ATP1A4: variants seen among roughly 807,000 people sequenced by gnomAD.
The protein encoded by ATP1A4 is ATPase Na+/K+ transporting subunit alpha 4.
Under a neutral mutation model 114.3 loss-of-function variants are expected in ATP1A4, and 90 were observed. That is an observed-to-expected ratio of 0.79 (90% CI 0.66 to 0.94). The LOEUF (loss-of-function observed/expected upper bound fraction) is 0.94, where lower values mean the gene tolerates loss of function less well. ATP1A4 is among the 40% of genes least tolerant of loss of function. The pLI is 0.00. For missense variants in ATP1A4, 1,222 were observed against 1,313.6 expected, an observed-to-expected ratio of 0.93 and a Z score of 1.08; for synonymous variants, 511 against 494.1, an observed-to-expected ratio of 1.03 and a Z score of -0.45.
chr1:160,156,950 A>T (rs1652691596), intron 4 of ATP1A4, among the ~76,000 whole-genome samples: 1 of 152,138 alleles, frequency 6.6e-6, no homozygotes, highest in African/African-American at 2.4e-5. Flanking sequence ...TTATCTCTAC[A>T]AAAAAATTTA....
chr1:160,158,858 A>C, intron 4 of ATP1A4, 144 bp from the exon 5 acceptor site: 1 of 891,390 alleles, frequency 1.1e-6, no homozygotes, highest in Non-Finnish European at 1.7e-6. Flanking sequence ...CAATCTGCCA[A>C]AGACACCTTC....
chr1:160,174,500 A>C, intron 14 of ATP1A4, 79 bp from the exon 15 acceptor site: 1 of 1,551,976 alleles, frequency 6.4e-7, no homozygotes, highest in Non-Finnish European at 8.7e-7. Context: ...CAAGGGATGC[A>C]GAAAGCGTAC....
Position 160,177,653 on chromosome 1 carries a change from G to C in ATP1A4, c.2725G>C (p.Gly909Arg), listed in dbSNP as rs764662453. Residue 909 changes from glycine to arginine, a missense_variant, in exon 18 of 22, where the codon GGA (glycine) becomes CGA (arginine). Transcript: ENST00000368081. The stretch of plus-strand genomic sequence containing the variant: ...CTTGAATGACCTGGAGGACAGCTAC[G>C]GACAGCAGTGGGTGAGTAGAAGGGA... ...KYLNDLEDSY[G>R]QQWTYEQRKV... 6.2e-7 allele frequency: 1 copy of C among 1,614,144 alleles called. No homozygotes were observed. Among genetic ancestry groups the C allele is most frequent in the Admixed American group, 1.7e-5 (1 of 60,006 alleles).
chr1:160,155,685 T>C (rs1452962759), intron 3 of ATP1A4, among the ~76,000 whole-genome samples: 3 of 152,148 alleles, frequency 2.0e-5, no homozygotes, highest in Admixed American at 6.5e-5. Context: ...ACCTTCCCAA[T>C]TGATCCCCAA....
chr1:160,154,149 T>C (rs1652553685), intron 2 of ATP1A4, among the ~76,000 whole-genome samples: 1 of 152,180 alleles, frequency 6.6e-6, no homozygotes, highest in South Asian at 2.1e-4. Context: ...AGGTCAGTAG[T>C]TGGAGACCAG....
chr1:160,153,302 G>T, intron 2 of ATP1A4, 78 bp downstream of exon 2: 2 of 1,327,210 alleles, frequency 1.5e-6, no homozygotes, highest in Non-Finnish European at 2.2e-6. Flanking sequence ...GCTGAACTAG[G>T]AATCCAGCCC....
intron 6 of ATP1A4, among the ~76,000 whole-genome samples, chr1:160,162,387 G>A (rs894855051): frequency 6.6e-6 from 1 of 152,178 alleles, no homozygotes; most frequent in Admixed American, 6.5e-5. Context: ...CTGCCCTTCT[G>A]ACTGGGGCAG....
At chr1:160,184,408 G>A (rs1653812288) in intron 20 of ATP1A4, among the ~76,000 whole-genome samples, 1 of 152,196 alleles carries the variant, frequency 6.6e-6, no homozygotes, top group South Asian at 2.1e-4. Context: ...TTAGCCAGGT[G>A]TAGCGGTGCA....
At chr1:160,176,056 C>G (rs753621881) in intron 15 of ATP1A4, 36 bp from the exon 16 acceptor site, 2 of 1,612,964 alleles carry the variant, frequency 1.2e-6, no homozygotes, top group South Asian at 2.2e-5. Context: ...CGTGTTCTCC[C>G]AGGGCTTCTC....
intron 7 of ATP1A4, 140 bp downstream of exon 7, chr1:160,164,564 C>T (rs1401740888): frequency 1.1e-6 from 1 of 907,822 alleles, no homozygotes. Context: ...AATAATTTAG[C>T]TCTCAATATT....
chr1:160,157,763 G>T (rs747358016), intron 4 of ATP1A4, among the ~76,000 whole-genome samples: 3 of 152,174 alleles, frequency 2.0e-5, no homozygotes, highest in African/African-American at 2.4e-5. Flanking sequence ...TAACTGGGGT[G>T]AAATGTTAAT....
Position 160,155,224 on chromosome 1 carries a change from C to T in ATP1A4, c.387C>T (p.Phe129=). The change falls in exon 3 of 22, where the codon TTC becomes TTT. Residue 129 remains phenylalanine, a synonymous_variant. Coordinates refer to ENST00000368081, the MANE Select transcript of ATP1A4 (RefSeq NM_144699.4). ...TGGCCTACAGCATCCAGATATATTTCAATGAGGAGCCTACCAAAGACAACG... is the reference window on the plus strand; with the variant it reads ...TGGCCTACAGCATCCAGATATATTTTAATGAGGAGCCTACCAAAGACAACG... ...CFVAYSIQIY[F]NEEPTKDNLY... is the part of the protein sequence containing the mutation. 3.1e-6 allele frequency: 5 copies of T among 1,610,360 alleles called. No homozygotes were observed. Among genetic ancestry groups the T allele is most frequent in the Non-Finnish European group, 4.2e-6 (5 of 1,177,920 alleles).
intron 4 of ATP1A4, among the ~76,000 whole-genome samples, chr1:160,157,691 C>G (rs1489485928): frequency 6.6e-6 from 1 of 151,930 alleles, no homozygotes; most frequent in Admixed American, 6.6e-5. Context: ...GGTAACTTAC[C>G]CTCAAGTAGT....
At position 160,171,280 on chromosome 1, in the gene ATP1A4, C is replaced by T. The variant is rs148327673; in HGVS notation, c.1521C>T (p.Ser507=). ...QMSIHLREDS[S]QTHVLMMKGA... is the part of the protein sequence containing the mutation. ...CCATCCACCTTCGGGAGGACAGCTC[C>T]CAGACCCACGTACTGATGATGAAGG... Residue 507 remains serine (S), a synonymous_variant, in exon 11 of 22, where the codon TCC becomes TCT. Transcript: ENST00000368081. 1 of 1,613,916 alleles carries T rather than the reference C, an allele frequency of 6.2e-7. No homozygotes were observed. The highest frequency in any genetic ancestry group is 2.2e-5 in the East Asian group (1 of 44,872).
At chr1:160,172,829 G>A (rs1162700064) in intron 12 of ATP1A4, among the ~76,000 whole-genome samples, 1 of 152,142 alleles carries the variant, frequency 6.6e-6, no homozygotes, top group Non-Finnish European at 1.5e-5. Flanking sequence ...GGGAACCCTG[G>A]GCAGTGGTTT....
At position 160,171,240 on chromosome 1, in the gene ATP1A4, G is replaced by C. The variant is rs771320642; in HGVS notation, c.1492-11G>C. 1.4e-5 allele frequency: 22 copies of C among 1,607,770 alleles called. No individual in the cohort carries two copies. Among genetic ancestry groups the C allele is most frequent in the Non-Finnish European group, 1.8e-5 (21 of 1,175,382 alleles). On this transcript the variant is annotated splice_polypyrimidine_tract_variant and intron_variant, in intron 10 of 21. Coordinates refer to ENST00000368081, the MANE Select transcript of ATP1A4 (RefSeq NM_144699.4). ...CTCCTGTCCCATCAGTGCTCCCTTT[G>C]CTCTCCCTAGATGTCCATCCACCTT...
At chr1:160,159,550 A>T in intron 6 of ATP1A4, 24 bp downstream of exon 6, 1 of 1,582,594 alleles carries the variant, frequency 6.3e-7, no homozygotes, top group Non-Finnish European at 8.6e-7. Context: ...CATAAGTAGC[A>T]TAGATTCAAA....
At chr1:160,186,473 C>A in intron 21 of ATP1A4, 106 bp downstream of exon 21, 1 of 1,106,314 alleles carries the variant, frequency 9.0e-7, no homozygotes, top group Non-Finnish European at 1.3e-6. Flanking sequence ...TTCTCCCCTC[C>A]TCGCTGCCAG....
chr1:160,155,110 C>G lies in ATP1A4; in HGVS notation c.273C>G (p.Pro91=), dbSNP rs114716567. Residue 91 remains proline, a synonymous_variant, in exon 3 of 22, where the codon CCC becomes CCG. Transcript: ENST00000368081. ...GTGGACCCAATACTGTTACCCCACC[C>G]CCCACCACTCCAGAATGGGTCAAAT... The part of the protein sequence containing the change: ...TRGGPNTVTP[P]PTTPEWVKFC... 1 of 1,613,974 alleles carries G rather than the reference C, an allele frequency of 6.2e-7. No homozygotes were observed. The highest frequency in any genetic ancestry group is 8.5e-7 in the Non-Finnish European group (1 of 1,179,934).
Sources: gnomAD v4.1 joint callset for allele counts (sites outside exome capture counted in the v4.1 genomes callset) on GRCh38, gnomAD v4.1.1 for gene constraint, MANE v1.5 for transcripts, NCBI Gene and HGNC (gene_info 2026-07-23, HGNC 2026-07-21) for gene names.